DOCK4: variants seen among roughly 807,000 people sequenced by gnomAD.
The protein encoded by DOCK4 is dedicator of cytokinesis protein 4.
DOCK4 carries 97 observed loss-of-function variants against 268.1 expected under a neutral mutation model. The ratio of observed to expected loss-of-function variants is 0.36; its 90% CI spans 0.31 to 0.43. The LOEUF is 0.43. DOCK4 is among the 20% of genes least tolerant of loss of function. DOCK4 has a pLI of 1.00. For synonymous variants in DOCK4, 954 were observed against 887.2 expected (o/e 1.08, Z -1.34); for missense variants, 2,145 against 2,455.7 (o/e 0.87, Z 2.67).
intron 1 of DOCK4, among the ~76,000 whole-genome samples, chr7:112,112,349 A>C (rs927266931): frequency 6.6e-6 from 1 of 152,224 alleles, no homozygotes. Context: ...CACCAGAAGA[A>C]GACGCTGGAG....
At chr7:112,150,451 AC>A (rs1289291081) in intron 1 of DOCK4, among the ~76,000 whole-genome samples, 1 of 152,040 alleles carries the variant, frequency 6.6e-6, no homozygotes, top group Non-Finnish European at 1.5e-5. Flanking sequence ...CTTGGAGATA[AC>A]CTCGTCCTGT....
chr7:111,919,057 C>T (rs755555394), intron 12 of DOCK4, among the ~76,000 whole-genome samples: 1 of 152,006 alleles, frequency 6.6e-6, no homozygotes, highest in Non-Finnish European at 1.5e-5. Context: ...GATCAAGATT[C>T]TTGTTTTGCC....
At chr7:111,775,991 G>A (rs1426186939) in intron 36 of DOCK4, among the ~76,000 whole-genome samples, 2 of 152,318 alleles carry the variant, frequency 1.3e-5, no homozygotes, top group African/African-American at 4.8e-5. Flanking sequence ...TATGAAGTCA[G>A]ACTCATCTCC....
Position 111,915,743 on chromosome 7 carries a change from A to G in DOCK4, c.1192+36T>C, listed in dbSNP as rs778419548. The G allele has an allele frequency of 6.9e-6, 11 of 1,605,446 alleles. 1 individual carries two copies. The South Asian group carries it at 1.2e-4, about 18-fold the overall frequency. On this transcript the variant is annotated intron_variant, in intron 13 of 52. Transcript: ENST00000428084. ...AACATCAAAAACAGATAGTATACCC[A>G]TATTTCATCATATCGGTACGTCCCA...
intron 12 of DOCK4, among the ~76,000 whole-genome samples, chr7:111,932,403 G>A (rs997420563): frequency 2.6e-5 from 4 of 152,038 alleles, no homozygotes; most frequent in Non-Finnish European, 5.9e-5. Flanking sequence ...GGACGCATAG[G>A]GAGAAAGAAC....
At chr7:111,946,658 T>C (rs1011776278) in intron 8 of DOCK4, among the ~76,000 whole-genome samples, 4 of 152,194 alleles carry the variant, frequency 2.6e-5, no homozygotes, top group African/African-American at 7.2e-5. Context: ...CTCAGCTCAC[T>C]GCAATTTCTG....
chr7:111,954,141 T>C (rs1796273238), intron 8 of DOCK4, among the ~76,000 whole-genome samples: 1 of 152,192 alleles, frequency 6.6e-6, no homozygotes, highest in South Asian at 2.1e-4. Context: ...CAACTAAGAA[T>C]GTATGAGTGT....
chr7:112,149,910 G>A (rs1815896463), intron 1 of DOCK4, among the ~76,000 whole-genome samples: 1 of 152,170 alleles, frequency 6.6e-6, no homozygotes. Context: ...CTTAAAGGAT[G>A]GAAAGGATGT....
At chr7:111,787,918 C>G (rs1328765645) in intron 32 of DOCK4, among the ~76,000 whole-genome samples, 1 of 152,190 alleles carries the variant, frequency 6.6e-6, no homozygotes, top group Non-Finnish European at 1.5e-5. Context: ...CCATAGGAAG[C>G]TGTAGAGAAA....
intron 52 of DOCK4, among the ~76,000 whole-genome samples, chr7:111,731,859 A>AGTGTGT (rs552407724): frequency 2.0e-5 from 3 of 151,460 alleles, no homozygotes; most frequent in Non-Finnish European, 4.4e-5. Context: ...TCTCAATCTA[A>AGTGTGT]GTGTGTGTGT....
chr7:111,762,932 AT>A (rs998293394), intron 39 of DOCK4, among the ~76,000 whole-genome samples: 1 of 150,662 alleles, frequency 6.6e-6, no homozygotes, highest in Non-Finnish European at 1.5e-5. Flanking sequence ...GAACCTGGCA[AT>A]TTTTTTTAAC....
rs200006157 is a variant in DOCK4 at position 112,134,806 on chromosome 7, G to T, written c.37+71296C>A. 1.4e-4 allele frequency among the ~76,000 whole-genome samples: 12 copies of T among 84,348 alleles called. No individual in the cohort carries two copies. In the Admixed American group the frequency reaches 1.5e-3, roughly 10 times the overall value. 55.3% of individuals were successfully genotyped at this position (84,348 alleles called of 152,430 possible). A position where few individuals can be genotyped will look rare whatever the true frequency, so the allele number is the denominator to read the frequency against. On this transcript the variant is annotated intron_variant, in intron 1 of 52. Coordinates refer to ENST00000428084, the MANE Select transcript of DOCK4 (RefSeq NM_001363540.2). Reference sequence around the variant, plus strand: ...GATTCTAAAATTATAAGTATATCAAGGTGGGTTTCAAAGTGCCACAATGCA... The same window carrying T: ...GATTCTAAAATTATAAGTATATCAATGTGGGTTTCAAAGTGCCACAATGCA...
intron 16 of DOCK4, 99 bp from the exon 17 acceptor site, chr7:111,877,285 A>G (rs1806979117): frequency 9.6e-7 from 1 of 1,045,970 alleles, no homozygotes; most frequent in South Asian, 4.1e-5. Context: ...ACTGGGAAAC[A>G]TTCCAAACAG....
intron 23 of DOCK4, among the ~76,000 whole-genome samples, chr7:111,850,444 A>G (rs1229544550): frequency 6.6e-6 from 1 of 151,218 alleles, no homozygotes; most frequent in Non-Finnish European, 1.5e-5. Flanking sequence ...TTTTGCAGCC[A>G]CCCCCACACC....
chr7:111,882,494 T>A (rs1807475536), intron 16 of DOCK4, among the ~76,000 whole-genome samples: 2 of 152,270 alleles, frequency 1.3e-5, no homozygotes, highest in South Asian at 4.1e-4. Context: ...TAAAAACCTG[T>A]ATTAACTTTA....
At chr7:112,127,410 T>TGGGGTGG (rs1211478773) in intron 1 of DOCK4, among the ~76,000 whole-genome samples, 3 of 76,040 alleles carry the variant, frequency 3.9e-5, no homozygotes, top group African/African-American at 1.6e-4. Flanking sequence ...GGGACTGTTG[T>TGGGGTGG]GGGGTGGGGG....
intron 1 of DOCK4, among the ~76,000 whole-genome samples, chr7:112,204,112 C>G (rs4392819): frequency 0.043 from 6,480 of 152,162 alleles, 325 homozygotes; most frequent in African/African-American, 0.12. Flanking sequence ...ACCGAGGTGT[C>G]TGCTGCAGCC....
chr7:112,090,293 T>A (rs762980438), intron 1 of DOCK4, among the ~76,000 whole-genome samples: 1 of 152,156 alleles, frequency 6.6e-6, no homozygotes, highest in Non-Finnish European at 1.5e-5. Flanking sequence ...TCTAATTATA[T>A]TTTGAGATTG....
intron 32 of DOCK4, 37 bp downstream of exon 32, chr7:111,788,625 C>G (rs1799331450): frequency 1.3e-6 from 2 of 1,529,636 alleles, no homozygotes; most frequent in African/African-American, 1.4e-5. Context: ...CCAAATCCCC[C>G]AGAATGGAAT....
Sources: gnomAD v4.1 joint callset for allele counts (sites outside exome capture counted in the v4.1 genomes callset) on GRCh38, gnomAD v4.1.1 for gene constraint, MANE v1.5 for transcripts, NCBI Gene and HGNC (gene_info 2026-07-23, HGNC 2026-07-21) for gene names.